The following SUN3 variants were observed in gnomAD, a reference collection of about 807,000 sequenced individuals.
The protein encoded by SUN3 is SUN domain-containing protein 3.
SUN3 carries 36 observed loss-of-function variants against 48.2 expected under a neutral mutation model. The ratio of observed to expected loss-of-function variants is 0.75; its 90% CI spans 0.57 to 0.99. The LOEUF (loss-of-function observed/expected upper bound fraction) is 0.99, where lower values mean the gene tolerates loss of function less well. Among genes scored for constraint, SUN3 ranks in the 50% least tolerant of loss-of-function variants. The pLI is 0.00. For synonymous variants in SUN3, 148 were observed against 147.9 expected (o/e 1.00, Z 0.00); for missense variants, 419 against 433.1 (o/e 0.97, Z 0.29).
intron 6 of SUN3, among the ~76,000 whole-genome samples, chr7:48,001,091 A>T (rs894122941): frequency 1.3e-5 from 2 of 151,838 alleles, no homozygotes; most frequent in Admixed American, 1.3e-4. Context: ...CTACTTCTTT[A>T]TTTTTAATTT....
At chr7:48,001,638 A>G (rs1398382416) in intron 6 of SUN3, among the ~76,000 whole-genome samples, 1 of 146,558 alleles carries the variant, frequency 6.8e-6, no homozygotes, top group African/African-American at 2.6e-5. Context: ...GGTTCACACC[A>G]TTCTCCTGCC....
chr7:48,022,995 A>T (rs1187654349), intron 2 of SUN3, among the ~76,000 whole-genome samples: 2 of 152,160 alleles, frequency 1.3e-5, no homozygotes, highest in East Asian at 3.8e-4. Flanking sequence ...CCAGCCCTTC[A>T]GGAAGTGCTA....
chr7:47,987,508 A>C, intron 9 of SUN3, 59 bp from the exon 10 acceptor site: 1 of 1,412,630 alleles, frequency 7.1e-7, no homozygotes, highest in South Asian at 1.6e-5. Flanking sequence ...AAAGAATCCC[A>C]ATGAATACTG....
intron 2 of SUN3, among the ~76,000 whole-genome samples, chr7:48,024,857 A>G (rs572532105): frequency 6.6e-6 from 1 of 152,326 alleles, no homozygotes; most frequent in East Asian, 1.9e-4. Context: ...GTGATTCATG[A>G]GGAATCTGTC....
chr7:48,025,458 A>G (rs1169676663), intron 2 of SUN3, among the ~76,000 whole-genome samples: 1 of 152,174 alleles, frequency 6.6e-6, no homozygotes, highest in Non-Finnish European at 1.5e-5. Flanking sequence ...CCGATACGAA[A>G]CTACAAACTG....
Position 48,029,066 on chromosome 7 carries a change from C to A in SUN3, c.-128G>T. Reference sequence around the variant, plus strand: ...TGTTTTGTATAATGTCTTCTTCCTCCACGGGTGTTTCTTCTTGAAGACGGA... The same window carrying A: ...TGTTTTGTATAATGTCTTCTTCCTCAACGGGTGTTTCTTCTTGAAGACGGA... On this transcript the variant is annotated 5_prime_UTR_variant, in exon 1 of 10. Coordinates refer to ENST00000297325, the MANE Select transcript of SUN3 (RefSeq NM_001030019.2). 1.5e-6 allele frequency: 2 copies of A among 1,341,712 alleles called. No individual in the cohort carries two copies. The highest frequency in any genetic ancestry group is 4.9e-5 in the East Asian group (2 of 41,160). 83.1% of individuals were successfully genotyped at this position (1,341,712 alleles called of 1,614,324 possible).
At position 48,028,538 on chromosome 7, in the gene SUN3, G is replaced by C. The variant is rs144996577; in HGVS notation, c.122+279C>G. Among the ~76,000 whole-genome samples, 170 of 141,474 alleles carry C rather than the reference G, an allele frequency of 1.2e-3. 1 individual carries two copies. The highest frequency in any genetic ancestry group is 4.4e-3 in the African/African-American group (167 of 37,614). 92.8% of individuals were successfully genotyped at this position (141,474 alleles called of 152,430 possible). A position where few individuals can be genotyped will look rare whatever the true frequency, so the allele number is the denominator to read the frequency against. ...ATTATCTGGAAGCTTTTAAGTTCCT[G>C]CTGCTGTGGCTCATTCTTTTAAAGA... On this transcript the variant is annotated intron_variant, in intron 1 of 9. Transcript: ENST00000297325.
chr7:48,021,990 T>A (rs772278822), intron 2 of SUN3, among the ~76,000 whole-genome samples: 81 of 152,126 alleles, frequency 5.3e-4, no homozygotes, highest in Admixed American at 1.4e-3. Flanking sequence ...GCAGCATTGT[T>A]CACAATAGCT....
Position 48,017,338 on chromosome 7 carries a change from T to G in SUN3, c.212A>C (p.Glu71Ala). ...TCTGGATTTCTGAGGAACATCTGTT[T>G]CTTTAAGCCACTGATGATTTAGGAG... ...VGLLNHQWLK[E>A]TDVPQKSRQL... The change falls in exon 3 of 10, where the codon GAA becomes GCA. Residue 71 changes from glutamate to alanine, a missense_variant. By Grantham distance (107) the Glu-to-Ala change is moderately radical. Coordinates refer to ENST00000297325, the MANE Select transcript of SUN3 (RefSeq NM_001030019.2). 1 of 1,608,162 alleles carries G rather than the reference T, an allele frequency of 6.2e-7. No homozygotes were observed. The highest frequency in any genetic ancestry group is 2.2e-5 in the East Asian group (1 of 44,734).
At chr7:48,009,587 T>A (rs531934036) in intron 3 of SUN3, among the ~76,000 whole-genome samples, 1 of 152,004 alleles carries the variant, frequency 6.6e-6, no homozygotes, top group African/African-American at 2.4e-5. Context: ...TTGGGCTAGA[T>A]TGGCAATCAC....
chr7:48,016,377 C>T (rs543401980), intron 3 of SUN3, among the ~76,000 whole-genome samples: 13 of 152,290 alleles, frequency 8.5e-5, no homozygotes, highest in African/African-American at 9.6e-5. Flanking sequence ...ATTCTTTCTC[C>T]GTTGCAATTC....
In SUN3 at chr7:48,006,053, C is replaced by A. The variant is rs1227530697; in HGVS notation, c.493G>T (p.Glu165Ter). 1 of 1,586,314 alleles carries A rather than the reference C, an allele frequency of 6.3e-7. No homozygotes were observed. Among genetic ancestry groups the A allele is most frequent in the South Asian group, 1.1e-5 (1 of 87,478 alleles). ...ACATAATTGACCAAGTTTGACACTT[C>A]CTGTAGAAATTTTATAAACAGTTTT... ...DPVEDPDHTE[E>*]VSNLVNYVLK... is the part of the protein sequence containing the mutation. The change falls in exon 6 of 10, where the codon GAA becomes TAA. Residue 165 changes from glutamate to a stop codon, truncating the protein, a stop_gained and splice_region_variant. Coordinates refer to ENST00000297325, the MANE Select transcript of SUN3 (RefSeq NM_001030019.2). LOFTEE classifies it high-confidence loss of function.
At chr7:48,022,348 T>C (rs573075695) in intron 2 of SUN3, among the ~76,000 whole-genome samples, 1 of 152,228 alleles carries the variant, frequency 6.6e-6, no homozygotes, top group African/African-American at 2.4e-5. Flanking sequence ...AGACGTACTA[T>C]TTGACAACAC....
At chr7:48,008,948 TTTTC>T in intron 4 of SUN3, 83 bp downstream of exon 4, 1 of 1,316,380 alleles carries the variant, frequency 7.6e-7, no homozygotes, top group East Asian at 2.4e-5. Context: ...AGGGAGTAAC[TTTTC>T]TTTCTTATAC....
chr7:48,009,421 G>C (rs1285389719), intron 3 of SUN3, among the ~76,000 whole-genome samples: 13 of 152,152 alleles, frequency 8.5e-5, no homozygotes, highest in Non-Finnish European at 1.9e-4. Flanking sequence ...GAGGAAGAGA[G>C]GGAAGGGAAG....
At chr7:48,011,618 A>T (rs1474522856) in intron 3 of SUN3, among the ~76,000 whole-genome samples, 1 of 152,220 alleles carries the variant, frequency 6.6e-6, no homozygotes, top group Non-Finnish European at 1.5e-5. Flanking sequence ...TAGCCTTAAA[A>T]TAACATACAG....
chr7:48,007,290 T>A lies in SUN3; in HGVS notation c.367A>T (p.Ile123Phe). 1 of 1,614,086 alleles carries A rather than the reference T, an allele frequency of 6.2e-7. No individual in the cohort carries two copies. Among genetic ancestry groups the A allele is most frequent in the Non-Finnish European group, 8.5e-7 (1 of 1,179,992 alleles). The change falls in exon 5 of 10, where the codon ATT becomes TTT. Residue 123 changes from isoleucine (I) to phenylalanine (F), a missense_variant. Ile to Phe is a conservative substitution (Grantham distance 21). Coordinates refer to ENST00000297325, the MANE Select transcript of SUN3 (RefSeq NM_001030019.2). ...SQNLENNFRQILFLIEQIDVL... is the reference protein window; with the variant it reads ...SQNLENNFRQFLFLIEQIDVL... ...TCTATTTGTTCGATCAAAAATAGAATTTGACGAAAATTGTTTTCCAGATTC... is the reference window on the plus strand; with the variant it reads ...TCTATTTGTTCGATCAAAAATAGAAATTGACGAAAATTGTTTTCCAGATTC...
At chr7:48,011,149 A>G (rs1309635192) in intron 3 of SUN3, among the ~76,000 whole-genome samples, 23 of 152,132 alleles carry the variant, frequency 1.5e-4, no homozygotes, top group Non-Finnish European at 2.4e-4. Flanking sequence ...GGTCACATTC[A>G]CAGTTTCTTG....
At chr7:48,035,505 G>A in the SUN3 span, 2 of 697,442 alleles carry the variant, frequency 2.9e-6, no homozygotes, top group South Asian at 3.0e-5. This position sits in a 1 kb window ranked among gnomAD's most constrained non-coding sequence, Gnocchi z 4.0. Context: ...TTGCCCTGGC[G>A]ACGCCGATGT....
Sources: gnomAD v4.1 joint callset for allele counts (sites outside exome capture counted in the v4.1 genomes callset) on GRCh38, gnomAD v4.1.1 for gene constraint, Gnocchi (gnomAD v3.1) non-coding constraint, MANE v1.5 for transcripts, NCBI Gene and HGNC (gene_info 2026-07-23, HGNC 2026-07-21) for gene names.